PARD3B: variants seen among roughly 807,000 people sequenced by gnomAD.
PARD3B encodes par-3 family cell polarity regulator beta.
In PARD3B, 103 loss-of-function variants were observed where a neutral mutation model predicts 130.2. The observed-to-expected ratio is 0.79, with a 90% CI of 0.67 to 0.93. The LOEUF (loss-of-function observed/expected upper bound fraction) is 0.93, where lower values mean the gene tolerates loss of function less well. Among genes scored for constraint, PARD3B ranks in the 40% least tolerant of loss-of-function variants. The pLI is 0.00. For missense variants in PARD3B, 1,609 were observed against 1,499.2 expected (o/e 1.07, Z -1.21); for synonymous variants, 583 against 553.2 (o/e 1.05, Z -0.76).
chr2:205,048,967 AAC>A (rs1372651383), intron 4 of PARD3B, among the ~76,000 whole-genome samples: 2 of 152,204 alleles, frequency 1.3e-5, no homozygotes, highest in Non-Finnish European at 2.9e-5. Flanking sequence ...CTTTTCTTAA[AAC>A]ACACACTGGT....
intron 3 of PARD3B, among the ~76,000 whole-genome samples, chr2:204,979,700 G>C (rs1692503424): frequency 6.6e-6 from 1 of 152,100 alleles, no homozygotes; most frequent in Admixed American, 6.6e-5. Flanking sequence ...CAATGGAGTA[G>C]AATAGAAATT....
intron 2 of PARD3B, among the ~76,000 whole-genome samples, chr2:204,819,701 C>T (rs112876214): frequency 3.3e-5 from 5 of 152,126 alleles, no homozygotes; most frequent in African/African-American, 4.8e-5. Flanking sequence ...ATAAAGTTCT[C>T]GAAGGAAATT....
At chr2:205,055,440 C>T (rs145334551) in intron 4 of PARD3B, among the ~76,000 whole-genome samples, 1 of 152,272 alleles carries the variant, frequency 6.6e-6, no homozygotes. Flanking sequence ...ATCTCAATCT[C>T]ACTTTCACAA....
At chr2:205,323,950 T>C (rs1165057600) in intron 18 of PARD3B, among the ~76,000 whole-genome samples, 2 of 152,234 alleles carry the variant, frequency 1.3e-5, no homozygotes, top group African/African-American at 4.8e-5. Context: ...AGACTTTTAA[T>C]GTTTGTATTT....
intron 2 of PARD3B, among the ~76,000 whole-genome samples, chr2:204,889,450 T>C (rs1426936559): frequency 6.6e-6 from 1 of 152,170 alleles, no homozygotes; most frequent in Non-Finnish European, 1.5e-5. Flanking sequence ...CAAAATGGAA[T>C]GTGGACCCAT....
In PARD3B at chr2:204,890,409, G is replaced by A. The variant is rs1231562198; in HGVS notation, c.223-74743G>A. 6.6e-6 allele frequency among the ~76,000 whole-genome samples: 1 copy of A among 152,134 alleles called. No individual in the cohort carries two copies. The highest frequency in any genetic ancestry group is 1.5e-5 in the Non-Finnish European group (1 of 68,020). ...AGCCCCTAGTCAAGAAGTTTCATTTGCCTCCACATTCAAGGGTGGGAGTAT... is the reference window on the plus strand; with the variant it reads ...AGCCCCTAGTCAAGAAGTTTCATTTACCTCCACATTCAAGGGTGGGAGTAT... On this transcript the variant is annotated intron_variant, in intron 2 of 22. Coordinates refer to ENST00000406610, the MANE Select transcript of PARD3B (RefSeq NM_001302769.2). This position sits in a 1 kb window ranked among gnomAD's most constrained non-coding sequence, Gnocchi z 4.9.
intron 2 of PARD3B, among the ~76,000 whole-genome samples, chr2:204,896,516 G>A (rs1442160112): frequency 1.3e-5 from 2 of 152,124 alleles, no homozygotes; most frequent in Non-Finnish European, 2.9e-5. Context: ...TGGAGGTAAC[G>A]TTTTGAATCT....
intron 2 of PARD3B, among the ~76,000 whole-genome samples, chr2:204,778,638 C>T (rs2125447387): frequency 6.6e-6 from 1 of 152,250 alleles, no homozygotes; most frequent in East Asian, 1.9e-4. Flanking sequence ...CCATATTCCC[C>T]TCTCTCATCA....
chr2:204,760,184 A>C (rs1186698469), intron 2 of PARD3B, among the ~76,000 whole-genome samples: 1 of 152,128 alleles, frequency 6.6e-6, no homozygotes, highest in Non-Finnish European at 1.5e-5. Flanking sequence ...TAATGCTTGT[A>C]TGATATTTTT....
At chr2:205,103,505 T>C (rs1352875291) in intron 4 of PARD3B, among the ~76,000 whole-genome samples, 4 of 152,110 alleles carry the variant, frequency 2.6e-5, no homozygotes, top group African/African-American at 9.7e-5. Context: ...TTGTCTTTCT[T>C]ACTCTGTTGG....
At chr2:205,032,781 A>G (rs1411433842) in intron 3 of PARD3B, among the ~76,000 whole-genome samples, 5 of 152,166 alleles carry the variant, frequency 3.3e-5, no homozygotes, top group Non-Finnish European at 5.9e-5. Flanking sequence ...GTGGCTCCAA[A>G]GCCCACCATT....
intron 20 of PARD3B, among the ~76,000 whole-genome samples, chr2:205,487,886 G>T (rs759452): frequency 7.3e-5 from 11 of 151,658 alleles, no homozygotes; most frequent in Admixed American, 7.2e-4. Flanking sequence ...TTGAGAAGGC[G>T]TGAGTGTGTG....
rs918015664 is a variant in PARD3B at position 205,011,152 on chromosome 2, A to G, written c.395-36429A>G. ...AGATGTTGTTATCCACTGGCCGTGT[A>G]TTGATTATCTGCAGATTATATATAA... On this transcript the variant is annotated intron_variant, in intron 3 of 22. Coordinates refer to ENST00000406610, the MANE Select transcript of PARD3B (RefSeq NM_001302769.2). This position sits in a 1 kb window ranked among gnomAD's most constrained non-coding sequence, Gnocchi z 4.1. Among the ~76,000 whole-genome samples the G allele has an allele frequency of 1.3e-5, 2 of 152,186 alleles. No homozygotes were observed. Among genetic ancestry groups the G allele is most frequent in the African/African-American group, 4.8e-5 (2 of 41,440 alleles).
chr2:205,468,303 C>G (rs907879633), intron 20 of PARD3B, among the ~76,000 whole-genome samples: 2 of 152,152 alleles, frequency 1.3e-5, no homozygotes, highest in Non-Finnish European at 2.9e-5. Flanking sequence ...CCTTCCTTAC[C>G]AATAGATATT....
At chr2:204,845,166 T>C (rs1575119457) in intron 2 of PARD3B, among the ~76,000 whole-genome samples, 1 of 152,284 alleles carries the variant, frequency 6.6e-6, no homozygotes, top group African/African-American at 2.4e-5. Context: ...GTGTTAATGT[T>C]ACCCTCAAAG....
intron 7 of PARD3B, 83 bp downstream of exon 7, chr2:205,119,129 A>G (rs1420944947): frequency 2.1e-6 from 3 of 1,448,104 alleles, no homozygotes; most frequent in Non-Finnish European, 2.7e-6. Flanking sequence ...TGATCAAAAT[A>G]GTAGGTAGAA....
At chr2:205,046,917 T>C (rs1446681022) in intron 3 of PARD3B, among the ~76,000 whole-genome samples, 1 of 152,206 alleles carries the variant, frequency 6.6e-6, no homozygotes, top group Admixed American at 6.5e-5. Flanking sequence ...AATAGTATGA[T>C]CTTTTTTCAG....
chr2:205,391,867 TC>T (rs1559047865), intron 18 of PARD3B, among the ~76,000 whole-genome samples: 1 of 152,136 alleles, frequency 6.6e-6, no homozygotes, highest in African/African-American at 2.4e-5. Context: ...TCCCTTTTTT[TC>T]CCCCTAACAG....
At chr2:205,433,671 T>C (rs1437898795) in intron 19 of PARD3B, among the ~76,000 whole-genome samples, 1 of 152,206 alleles carries the variant, frequency 6.6e-6, no homozygotes, top group Non-Finnish European at 1.5e-5. Context: ...CTAGCACCCA[T>C]GGATGTTCCC....
Sources: gnomAD v4.1 joint callset for allele counts (sites outside exome capture counted in the v4.1 genomes callset) on GRCh38, gnomAD v4.1.1 for gene constraint, Gnocchi (gnomAD v3.1) non-coding constraint, MANE v1.5 for transcripts, NCBI Gene and HGNC (gene_info 2026-07-23, HGNC 2026-07-21) for gene names.